DOP1B: variants seen among roughly 807,000 people sequenced by gnomAD.
DOP1B encodes the protein DOP1 leucine zipper like protein B, also known as protein DOP1B.
DOP1B carries 174 observed loss-of-function variants against 233.5 expected under a neutral mutation model. That is an observed-to-expected ratio of 0.75 (90% confidence interval 0.66 to 0.85). The LOEUF is 0.85. Ranked by LOEUF, DOP1B falls within the 40% of genes least tolerant of loss-of-function variation. The pLI, the probability that DOP1B is intolerant of heterozygous loss-of-function variation, is 0.00. For synonymous variants in DOP1B, 1,190 were observed against 1,185.6 expected (o/e 1.00, Z -0.08); for missense variants, 2,652 against 2,846.6 (o/e 0.93, Z 1.56).
intron 1 of DOP1B, among the ~76,000 whole-genome samples, chr21:36,163,052 AAGT>A (rs1253359101): frequency 6.6e-6 from 1 of 152,006 alleles, no homozygotes; most frequent in Non-Finnish European, 1.5e-5. Flanking sequence ...GGTGACTTGA[AAGT>A]AGTGGTGGTT....
chr21:36,197,686 G>T (rs1003994244), intron 2 of DOP1B, among the ~76,000 whole-genome samples: 1 of 152,160 alleles, frequency 6.6e-6, no homozygotes, highest in African/African-American at 2.4e-5. Context: ...TGAAAGGAAG[G>T]CTGGAGCCGT....
At chr21:36,204,156 T>G (rs139048820) in intron 4 of DOP1B, among the ~76,000 whole-genome samples, 1 of 152,320 alleles carries the variant, frequency 6.6e-6, no homozygotes, top group African/African-American at 2.4e-5. Context: ...AGGGTGCTAC[T>G]GATATTTAGT....
chr21:36,200,361 G>A lies in DOP1B; in HGVS notation c.351G>A (p.Ala117=), dbSNP rs369032268. 6.8e-5 allele frequency: 110 copies of A among 1,608,388 alleles called. No individual in the cohort carries two copies. The highest frequency in any genetic ancestry group is 8.7e-5 in the Non-Finnish European group (102 of 1,178,076). The part of the protein sequence containing the change: ...SCGLFPLLAH[A]AVSVRPVLLT... ...GGTTATTTCCTCTCCTGGCACACGC[G>A]GCGGTGTCGGTGAGGCCGGTGCTGC... Residue 117 remains alanine (A), a synonymous_variant, in exon 4 of 37, where the codon GCG becomes GCA. Transcript: ENST00000691173.
chr21:36,158,812 A>AG (rs1332701656), intron 1 of DOP1B, among the ~76,000 whole-genome samples: 1 of 135,866 alleles, frequency 7.4e-6, no homozygotes, highest in Non-Finnish European at 1.6e-5. Flanking sequence ...CAAAAAAAAA[A>AG]AAAAAAGAAA....
At position 36,227,807 on chromosome 21, in the gene DOP1B, G is replaced by A; in HGVS notation, c.1595G>A (p.Cys532Tyr). Residue 532 changes from cysteine (C) to tyrosine (Y), a missense_variant, in exon 13 of 37, where the codon TGT becomes TAT. Physicochemically the swap from Cys to Tyr is radical, Grantham distance 194 (BLOSUM62 -2). Transcript: ENST00000691173. ...GAACTCACGCATGCCTTGAAGACGT[G>A]TTTCAAGGTGCTCAGCAAAGTCCAG... ...LPELTHALKT[C>Y]FKVLSKVQMP... is the part of the protein sequence containing the mutation. 2 of 1,613,678 alleles carry A rather than the reference G, an allele frequency of 1.2e-6. No individual in the cohort carries two copies. Among genetic ancestry groups the A allele is most frequent in the Non-Finnish European group, 1.7e-6 (2 of 1,179,690 alleles).
chr21:36,187,564 T>G (rs1349503370), intron 2 of DOP1B, among the ~76,000 whole-genome samples: 1 of 152,030 alleles, frequency 6.6e-6, no homozygotes, highest in Non-Finnish European at 1.5e-5. Flanking sequence ...CCCAAAGTGC[T>G]GGGATTATAG....
At chr21:36,196,757 A>G (rs1180312976) in intron 2 of DOP1B, among the ~76,000 whole-genome samples, 3 of 152,056 alleles carry the variant, frequency 2.0e-5, no homozygotes. Context: ...TCTCTACAGA[A>G]CAATCTTTTT....
chr21:36,225,877 C>A (rs2066676868), intron 12 of DOP1B, among the ~76,000 whole-genome samples: 1 of 152,044 alleles, frequency 6.6e-6, no homozygotes, highest in African/African-American at 2.4e-5. Flanking sequence ...AACTTTTGGG[C>A]CAGTTGTAAG....
chr21:36,240,257 A>T (rs561085251), intron 18 of DOP1B, among the ~76,000 whole-genome samples: 1 of 152,280 alleles, frequency 6.6e-6, no homozygotes, highest in East Asian at 1.9e-4. Context: ...AGGCAGGTGG[A>T]TCACCTGAGG....
rs2067339729 is a variant in DOP1B, at chr21:36,275,471, ATTACAG to A, written c.5633-1549_5633-1544del. 3.3e-5 allele frequency among the ~76,000 whole-genome samples: 5 copies of A among 152,104 alleles called. No homozygotes were observed. In the South Asian group the frequency reaches 1.0e-3, roughly 32 times the overall value. On this transcript the variant is annotated intron_variant, in intron 27 of 36. Coordinates refer to ENST00000691173, the MANE Select transcript of DOP1B (RefSeq NM_001320714.2). ...GTGAAAAATCCCCATCTCTACAAAA[ATTACAG>A]CCTGTAGTAATGGGACCTGTAGTTC... is the stretch of plus-strand genomic sequence containing the variant.
chr21:36,257,843 A>ATAGG (rs200518470), intron 23 of DOP1B, among the ~76,000 whole-genome samples: 2 of 142,750 alleles, frequency 1.4e-5, no homozygotes, highest in East Asian at 4.5e-4. Context: ...GTAGATGTAG[A>ATAGG]TAGGTAGGTA....
At chr21:36,217,268 C>T (rs2066570865) in intron 9 of DOP1B, among the ~76,000 whole-genome samples, 1 of 152,114 alleles carries the variant, frequency 6.6e-6, no homozygotes, top group Non-Finnish European at 1.5e-5. Flanking sequence ...ACTCCATGTT[C>T]CTGGAGTGTT....
At chr21:36,256,842 G>A (rs1190780750) in intron 23 of DOP1B, among the ~76,000 whole-genome samples, 1 of 152,124 alleles carries the variant, frequency 6.6e-6, no homozygotes, top group East Asian at 1.9e-4. Context: ...AAATATGCGG[G>A]GAGTTCTCCC....
intron 2 of DOP1B, among the ~76,000 whole-genome samples, chr21:36,178,165 A>C (rs1474094354): frequency 6.6e-6 from 1 of 152,188 alleles, no homozygotes; most frequent in Non-Finnish European, 1.5e-5. Flanking sequence ...CATGAGGATG[A>C]GACCCTAATT....
At chr21:36,228,373 GA>G (rs2066717249) in intron 13 of DOP1B, among the ~76,000 whole-genome samples, 1 of 151,964 alleles carries the variant, frequency 6.6e-6, no homozygotes, top group Non-Finnish European at 1.5e-5. Context: ...TGAGGCTGGA[GA>G]ATCTCTTGAA....
Position 36,239,783 on chromosome 21 carries a change from G to A in DOP1B, c.2895G>A (p.Leu965=), listed in dbSNP as rs1222308119. 2 of 1,546,666 alleles carry A rather than the reference G, an allele frequency of 1.3e-6. No individual in the cohort carries two copies. The highest frequency in any genetic ancestry group is 4.9e-5 in the East Asian group (2 of 41,004). The part of the protein sequence containing the change: ...RSFDRSLFVV[L]DSLACTDGAI... ...ACTGCAGGTCCTTGTTTGTCGTGCT[G>A]GACAGCCTGGCCTGCACGGATGGTG... Residue 965 remains leucine (L), a synonymous_variant, in exon 18 of 37, where the codon CTG becomes CTA. Coordinates refer to ENST00000691173, the MANE Select transcript of DOP1B (RefSeq NM_001320714.2).
chr21:36,271,486 G>A (rs2067289186), intron 27 of DOP1B, among the ~76,000 whole-genome samples: 1 of 152,044 alleles, frequency 6.6e-6, no homozygotes, highest in South Asian at 2.1e-4. Flanking sequence ...TGGCCAGGCT[G>A]GTCTCAAACT....
At chr21:36,223,440 A>G (rs914360362) in intron 11 of DOP1B, 90 bp downstream of exon 11, 19 of 1,490,852 alleles carry the variant, frequency 1.3e-5, no homozygotes, top group Non-Finnish European at 1.7e-5. Flanking sequence ...GATTATATAT[A>G]AGTAGCTGAA....
Position 36,245,892 on chromosome 21 carries a change from C to A in DOP1B, c.3912C>A (p.Asn1304Lys), listed in dbSNP as rs140969295. Residue 1304 changes from asparagine (N) to lysine (K), a missense_variant, in exon 19 of 37, where the codon AAC becomes AAA. Transcript: ENST00000691173. The surrounding 1 kb of genome is among the most constrained non-coding windows in gnomAD (Gnocchi z 5.5). ...FYGKLQTQVP[N>K]VCPHSLLLEL... Reference sequence around the variant, plus strand: ...GAAAGCTCCAGACCCAGGTCCCCAACGTGTGCCCCCACTCTCTGCTCCTGG... The same window carrying A: ...GAAAGCTCCAGACCCAGGTCCCCAAAGTGTGCCCCCACTCTCTGCTCCTGG... The A allele has an allele frequency of 6.2e-7, 1 of 1,613,786 alleles. No homozygotes were observed. The highest frequency in any genetic ancestry group is 8.5e-7 in the Non-Finnish European group (1 of 1,180,026).
Sources: gnomAD v4.1 joint callset for allele counts (sites outside exome capture counted in the v4.1 genomes callset) on GRCh38, gnomAD v4.1.1 for gene constraint, Gnocchi (gnomAD v3.1) non-coding constraint, MANE v1.5 for transcripts, NCBI Gene and HGNC (gene_info 2026-07-23, HGNC 2026-07-21) for gene names.